NFIB: variants seen among roughly 807,000 people sequenced by gnomAD.
NFIB encodes the protein nuclear factor 1 B-type.
Under a neutral mutation model 61.5 loss-of-function variants are expected in NFIB, and 11 were observed. The ratio of observed to expected loss-of-function variants is 0.18; its 90% confidence interval spans 0.11 to 0.30. NFIB has a LOEUF of 0.30. NFIB is among the 10% of genes least tolerant of loss of function. NFIB has a pLI of 1.00. For missense variants in NFIB, 471 were observed against 608.9 expected (o/e 0.77, Z 2.38); for synonymous variants, 260 against 216.5 (o/e 1.20, Z -1.76).
chr9:14,385,278 C>T (rs1588404543), intron 1 of NFIB, among the ~76,000 whole-genome samples: 1 of 152,186 alleles, frequency 6.6e-6, no homozygotes, highest in East Asian at 1.9e-4. Context: ...AACTGGCAAA[C>T]TTGGGACCCA....
At chr9:14,171,891 A>C (rs1177349112) in intron 3 of NFIB, among the ~76,000 whole-genome samples, 1 of 152,158 alleles carries the variant, frequency 6.6e-6, no homozygotes, top group African/African-American at 2.4e-5. Context: ...ATACTTTAAA[A>C]ATCGCAAGGT....
the NFIB span, among the ~76,000 whole-genome samples, chr9:14,460,773 C>G: frequency 6.6e-6 from 1 of 152,068 alleles, no homozygotes; most frequent in Non-Finnish European, 1.5e-5. Context: ...TGCTTTAAAT[C>G]CTTCCATGGC....
At chr9:14,408,279 A>T in the NFIB span, among the ~76,000 whole-genome samples, 31 of 152,352 alleles carry the variant, frequency 2.0e-4, no homozygotes, top group African/African-American at 7.0e-4. Context: ...ATTTATACAG[A>T]TATACCTGAA....
At chr9:14,409,363 G>A in the NFIB span, among the ~76,000 whole-genome samples, 1 of 152,184 alleles carries the variant, frequency 6.6e-6, no homozygotes, top group South Asian at 2.1e-4. Flanking sequence ...GCACAGAGCT[G>A]GTGCTCCCTG....
intron 1 of NFIB, among the ~76,000 whole-genome samples, chr9:14,338,399 A>AG (rs749123199): frequency 0.17 from 3,101 of 18,582 alleles, 37 homozygotes; most frequent in South Asian, 0.47. Flanking sequence ...GTCTCAAAAA[A>AG]AAAAAAGAAA....
At chr9:14,231,021 G>A (rs1437823108) in intron 2 of NFIB, among the ~76,000 whole-genome samples, 2 of 150,292 alleles carry the variant, frequency 1.3e-5, no homozygotes, top group African/African-American at 4.9e-5. Flanking sequence ...AGGATCCCAA[G>A]CTGTAGTGGC....
chr9:14,491,196 A>G, the NFIB span, among the ~76,000 whole-genome samples: 93 of 152,312 alleles, frequency 6.1e-4, 1 homozygote, highest in African/African-American at 2.1e-3. Context: ...AGATTAAATG[A>G]TTGAGTGCAT....
intron 2 of NFIB, among the ~76,000 whole-genome samples, chr9:14,254,912 A>C (rs1442225744): frequency 1.3e-5 from 2 of 152,196 alleles, no homozygotes; most frequent in African/African-American, 4.8e-5. Context: ...AGTACCTTAA[A>C]GCTACAAGCT....
At chr9:14,101,549 T>C (rs2035787265) in intron 10 of NFIB, among the ~76,000 whole-genome samples, 1 of 152,348 alleles carries the variant, frequency 6.6e-6, no homozygotes, top group Admixed American at 6.5e-5. Flanking sequence ...GTTGGAAAAT[T>C]ATGTCAACTC....
rs547758077 is a variant in NFIB at position 14,313,284 on chromosome 9, G to A, written c.30+198C>T. 6.6e-6 allele frequency among the ~76,000 whole-genome samples: 1 copy of A among 151,610 alleles called. No homozygotes were observed. The highest frequency in any genetic ancestry group is 6.6e-5 in the Admixed American group (1 of 15,198). On this transcript the variant is annotated intron_variant, in intron 1 of 10. Transcript: ENST00000380953. This position sits in a 1 kb window ranked among gnomAD's most constrained non-coding sequence, Gnocchi z 4.5. ...CGCTCCGTGCCCAGGGCGCGGGGCT[G>A]GGCGCTCGCAGTGGCCGTGGCGAGG... is the stretch of plus-strand genomic sequence containing the variant.
intron 2 of NFIB, among the ~76,000 whole-genome samples, chr9:14,234,805 G>GGT (rs1554682558): frequency 7.0e-6 from 1 of 143,006 alleles, no homozygotes. Flanking sequence ...TTTTTTTTTG[G>GGT]TTTTTTTTTT....
At chr9:14,487,716 C>T in the NFIB span, among the ~76,000 whole-genome samples, 1 of 152,230 alleles carries the variant, frequency 6.6e-6, no homozygotes, top group Non-Finnish European at 1.5e-5. Flanking sequence ...ATACCTCCCA[C>T]AGCTAACGCA....
At chr9:14,454,396 G>A in the NFIB span, among the ~76,000 whole-genome samples, 2 of 152,182 alleles carry the variant, frequency 1.3e-5, no homozygotes, top group East Asian at 1.9e-4. Flanking sequence ...CATCCAAAAT[G>A]TTTGAATGAC....
intron 3 of NFIB, among the ~76,000 whole-genome samples, chr9:14,156,788 A>G (rs1001886453): frequency 6.6e-6 from 1 of 152,210 alleles, no homozygotes; most frequent in Admixed American, 6.5e-5. Context: ...GTTATGGCCT[A>G]CTTGCTTCTG....
At chr9:14,471,488 C>A in the NFIB span, among the ~76,000 whole-genome samples, 37 of 152,290 alleles carry the variant, frequency 2.4e-4, no homozygotes, top group African/African-American at 8.9e-4. Context: ...GTAAGCAACA[C>A]GTGGAAAAGA....
At chr9:14,512,101 G>A in the NFIB span, among the ~76,000 whole-genome samples, 1 of 152,002 alleles carries the variant, frequency 6.6e-6, no homozygotes, top group African/African-American at 2.4e-5. Context: ...TGTTACTATT[G>A]TGAATGGAAT....
the NFIB span, among the ~76,000 whole-genome samples, chr9:14,508,310 C>T: frequency 6.6e-6 from 1 of 152,060 alleles, no homozygotes; most frequent in Non-Finnish European, 1.5e-5. Flanking sequence ...GTGTAGTGGA[C>T]ACTGATGAGA....
the NFIB span, among the ~76,000 whole-genome samples, chr9:14,435,801 A>C: frequency 6.6e-6 from 1 of 152,222 alleles, no homozygotes; most frequent in African/African-American, 2.4e-5. Flanking sequence ...AGGTGGGCAG[A>C]TCTGTTAAAA....
the NFIB span, among the ~76,000 whole-genome samples, chr9:14,407,191 A>G: frequency 2.1e-3 from 323 of 152,276 alleles, 1 homozygote; most frequent in African/African-American, 7.5e-3. Flanking sequence ...AGTTAGGTTA[A>G]ATAATGCCCT....
Sources: gnomAD v4.1 joint callset for allele counts (sites outside exome capture counted in the v4.1 genomes callset) on GRCh38, gnomAD v4.1.1 for gene constraint, Gnocchi (gnomAD v3.1) non-coding constraint, MANE v1.5 for transcripts, NCBI Gene and HGNC (gene_info 2026-07-23, HGNC 2026-07-21) for gene names.